The following NEDD4L variants were observed in gnomAD, a reference collection of about 807,000 sequenced individuals.
NEDD4L encodes the protein E3 ubiquitin-protein ligase NEDD4-like.
NEDD4L carries 54 observed loss-of-function variants against 148.9 expected under a neutral mutation model. The observed-to-expected ratio is 0.36, with a 90% CI of 0.29 to 0.45. The LOEUF is 0.45. NEDD4L is among the 20% of genes least tolerant of loss of function. The pLI, the probability that NEDD4L is intolerant of heterozygous loss-of-function variation, is 1.00. For missense variants in NEDD4L, 856 were observed against 1,233.8 expected (o/e 0.69, Z 4.59); for synonymous variants, 433 against 440.7 (o/e 0.98, Z 0.22).
intron 1 of NEDD4L, among the ~76,000 whole-genome samples, chr18:58,113,092 A>T (rs1057420249): frequency 3.9e-5 from 6 of 152,216 alleles, no homozygotes; most frequent in Admixed American, 2.0e-4. Flanking sequence ...CCAGCCTCCA[A>T]ACCTGTGAGA....
intron 1 of NEDD4L, chr18:58,045,207 G>C: frequency 2.5e-6 from 1 of 398,302 alleles, no homozygotes; most frequent in Non-Finnish European, 4.4e-6. Context: ...AAGCCTGTGC[G>C]TGCTTATCCC....
chr18:58,367,655 C>A, intron 21 of NEDD4L, 91 bp from the exon 22 acceptor site: 1 of 1,394,462 alleles, frequency 7.2e-7, no homozygotes, highest in Non-Finnish European at 1.0e-6. Flanking sequence ...CGCAGGGACA[C>A]TGTAAAAGTT....
At chr18:58,154,787 T>C (rs531323566) in intron 1 of NEDD4L, among the ~76,000 whole-genome samples, 1 of 152,320 alleles carries the variant, frequency 6.6e-6, no homozygotes, top group South Asian at 2.1e-4. Context: ...AGACTTCGTC[T>C]CTAAATAAAT....
At chr18:58,307,878 T>TAAG (rs2057252293) in intron 5 of NEDD4L, among the ~76,000 whole-genome samples, 2 of 152,244 alleles carry the variant, frequency 1.3e-5, no homozygotes, top group Admixed American at 1.3e-4. Context: ...ATCTGTTCTT[T>TAAG]GGTAGCTAAG....
At position 58,192,834 on chromosome 18, in the gene NEDD4L, T is replaced by G. The variant is rs546788888; in HGVS notation, c.122+26973T>G. On this transcript the variant is annotated intron_variant, in intron 2 of 30. Transcript: ENST00000400345. The stretch of plus-strand genomic sequence containing the variant: ...TTGAGCTGAGCCTGGCACTTGAACA[T>G]AGGCCATAGATTTCCAGATGTGAAA... 1.1e-3 allele frequency among the ~76,000 whole-genome samples: 162 copies of G among 152,306 alleles called. 1 individual carries two copies. The highest frequency in any genetic ancestry group is 3.4e-3 in the African/African-American group (143 of 41,568).
At chr18:58,201,806 C>T (rs2041447959) in intron 2 of NEDD4L, among the ~76,000 whole-genome samples, 1 of 152,164 alleles carries the variant, frequency 6.6e-6, no homozygotes, top group African/African-American at 2.4e-5. Flanking sequence ...ACATACTGTT[C>T]TGAGCCCTGG....
At chr18:58,221,443 G>C (rs1481394899) in intron 2 of NEDD4L, 2 of 490,266 alleles carry the variant, frequency 4.1e-6, no homozygotes, top group Non-Finnish European at 5.3e-6. Flanking sequence ...GAGCTGGGTG[G>C]AGCTACTTAA....
chr18:58,347,980 T>C (rs1601555344), intron 16 of NEDD4L, among the ~76,000 whole-genome samples: 2 of 151,824 alleles, frequency 1.3e-5, no homozygotes, highest in South Asian at 4.2e-4. Flanking sequence ...TTTTTGAGTA[T>C]AAAGATATGG....
chr18:58,052,380 C>A (rs966076168), intron 1 of NEDD4L, among the ~76,000 whole-genome samples: 1 of 152,058 alleles, frequency 6.6e-6, no homozygotes, highest in African/African-American at 2.4e-5. Context: ...TATTGTAATC[C>A]CTTTAGGTGA....
chr18:58,068,911 CAG>C (rs1181858330), intron 1 of NEDD4L, among the ~76,000 whole-genome samples: 1 of 152,020 alleles, frequency 6.6e-6, no homozygotes, highest in African/African-American at 2.4e-5. Flanking sequence ...CTGAGGCAGG[CAG>C]ATCATTTGAG....
chr18:58,333,491 C>T (rs184746956), intron 11 of NEDD4L, among the ~76,000 whole-genome samples: 127 of 152,252 alleles, frequency 8.3e-4, no homozygotes, highest in Admixed American at 1.4e-3. Flanking sequence ...GAGCAAACTA[C>T]AAGACTGCTA....
chr18:58,170,329 C>G (rs1015878742), intron 2 of NEDD4L, among the ~76,000 whole-genome samples: 5 of 149,870 alleles, frequency 3.3e-5, no homozygotes, highest in Non-Finnish European at 7.4e-5. Flanking sequence ...CAGAACACTG[C>G]TGCCCGCCTC....
chr18:58,077,491 A>G (rs527272532), intron 1 of NEDD4L, among the ~76,000 whole-genome samples: 79 of 152,324 alleles, frequency 5.2e-4, no homozygotes, highest in Non-Finnish European at 8.2e-4. Flanking sequence ...GGTACAGTAC[A>G]GTCCTAAACA....
intron 5 of NEDD4L, among the ~76,000 whole-genome samples, chr18:58,296,014 A>C (rs796472440): frequency 6.6e-6 from 1 of 152,160 alleles, no homozygotes; most frequent in South Asian, 2.1e-4. Flanking sequence ...GCACACACCA[A>C]AAGGCTTTGG....
intron 7 of NEDD4L, 62 bp from the exon 8 acceptor site, chr18:58,323,170 G>A (rs2059002075): frequency 5.2e-6 from 5 of 963,196 alleles, no homozygotes; most frequent in Admixed American, 2.0e-5. Context: ...TGCTGAAGAC[G>A]ATTTTAAGTG....
chr18:58,335,589 TA>T, intron 13 of NEDD4L, 52 bp downstream of exon 13: 1 of 1,379,890 alleles, frequency 7.2e-7, no homozygotes, highest in Admixed American at 1.7e-5. Context: ...GAGGCAGTTT[TA>T]ATATTTCGTG....
intron 1 of NEDD4L, among the ~76,000 whole-genome samples, chr18:58,104,081 A>G (rs767104042): frequency 2.0e-5 from 3 of 152,256 alleles, no homozygotes; most frequent in Non-Finnish European, 4.4e-5. Context: ...AAATGGATGA[A>G]TAGATTAAAA....
intron 16 of NEDD4L, among the ~76,000 whole-genome samples, chr18:58,349,062 G>A (rs2043514649): frequency 6.6e-6 from 1 of 152,098 alleles, no homozygotes; most frequent in African/African-American, 2.4e-5. Context: ...AGTTCAGAAG[G>A]AGTGGAGGGG....
intron 1 of NEDD4L, among the ~76,000 whole-genome samples, chr18:58,139,698 A>G (rs2033271801): frequency 6.6e-6 from 1 of 152,116 alleles, no homozygotes; most frequent in Admixed American, 6.5e-5. Context: ...AGCCATAGAA[A>G]TCTGGCCGAG....
Sources: gnomAD v4.1 joint callset for allele counts (sites outside exome capture counted in the v4.1 genomes callset) on GRCh38, gnomAD v4.1.1 for gene constraint, MANE v1.5 for transcripts, NCBI Gene and HGNC (gene_info 2026-07-23, HGNC 2026-07-21) for gene names.